Variants in NRXN3 observed in about 807,000 individuals in gnomAD.
The protein encoded by NRXN3 is neurexin III.
In NRXN3, 32 loss-of-function variants were observed where a neutral mutation model predicts 137.6. The ratio of observed to expected loss-of-function variants is 0.23; its 90% CI spans 0.18 to 0.31. The LOEUF (loss-of-function observed/expected upper bound fraction) is 0.31, where lower values mean the gene tolerates loss of function less well. NRXN3 is among the 10% of genes least tolerant of loss of function. The pLI, the probability that NRXN3 is intolerant of heterozygous loss-of-function variation, is 1.00. For missense variants in NRXN3, 1,574 were observed against 2,062.5 expected (o/e 0.76, Z 4.59); for synonymous variants, 798 against 784.5 (o/e 1.02, Z -0.29).
chr14:79,725,074 G>A (rs904102330), intron 19 of NRXN3, among the ~76,000 whole-genome samples: 20 of 152,082 alleles, frequency 1.3e-4, no homozygotes, highest in African/African-American at 4.1e-4. Context: ...TTCAAGAATC[G>A]CGTGCCAAGT....
At chr14:78,247,559 T>TCCC (rs1217429972) in intron 2 of NRXN3, among the ~76,000 whole-genome samples, 2 of 152,216 alleles carry the variant, frequency 1.3e-5, no homozygotes, top group Admixed American at 6.5e-5. Context: ...CTAGACTTGT[T>TCCC]CATGTTGACA....
intron 8 of NRXN3, among the ~76,000 whole-genome samples, chr14:78,797,712 G>A (rs1001898546): frequency 4.6e-4 from 70 of 152,054 alleles, no homozygotes; most frequent in African/African-American, 1.5e-3. Context: ...AGGCATACCC[G>A]AGACTGGGTG....
At chr14:78,816,135 G>A (rs537982606) in intron 10 of NRXN3, among the ~76,000 whole-genome samples, 57 of 152,204 alleles carry the variant, frequency 3.7e-4, no homozygotes, top group Non-Finnish European at 1.9e-4. Context: ...ATGATAGTGG[G>A]ATGCTTCCTA....
chr14:79,268,005 T>C (rs1011859181), intron 15 of NRXN3, among the ~76,000 whole-genome samples: 1 of 152,212 alleles, frequency 6.6e-6, no homozygotes, highest in African/African-American at 2.4e-5. Flanking sequence ...AAATTAGGTA[T>C]AGCCTTGCTA....
intron 16 of NRXN3, among the ~76,000 whole-genome samples, chr14:79,491,088 T>C (rs140855879): frequency 1.8e-4 from 27 of 152,182 alleles, no homozygotes; most frequent in African/African-American, 6.5e-4. Flanking sequence ...GTGTGTGTTT[T>C]GTTCTGTTTT....
chr14:79,189,233 TG>T (rs2063924793), intron 15 of NRXN3, among the ~76,000 whole-genome samples: 4 of 152,002 alleles, frequency 2.6e-5, no homozygotes, highest in Admixed American at 2.6e-4. Flanking sequence ...TCACGTCCTT[TG>T]TAGGGACATG....
chr14:78,966,743 C>G (rs543460350), intron 12 of NRXN3, among the ~76,000 whole-genome samples: 2 of 152,294 alleles, frequency 1.3e-5, no homozygotes, highest in Non-Finnish European at 2.9e-5. Context: ...ACTACAACCA[C>G]CCAATTTATA....
chr14:78,692,099 A>G (rs1330982700), intron 6 of NRXN3, among the ~76,000 whole-genome samples: 1 of 152,186 alleles, frequency 6.6e-6, no homozygotes, highest in Non-Finnish European at 1.5e-5. Flanking sequence ...ACGCTTTACT[A>G]TCCACTTGTC....
chr14:78,557,981 C>T, intron 4 of NRXN3, among the ~76,000 whole-genome samples: 1 of 152,160 alleles, frequency 6.6e-6, no homozygotes, highest in East Asian at 1.9e-4. Context: ...GATATAGGTA[C>T]TATCATCCCC....
intron 15 of NRXN3, among the ~76,000 whole-genome samples, chr14:79,059,504 G>T (rs1487507213): frequency 6.6e-6 from 1 of 151,870 alleles, no homozygotes; most frequent in Admixed American, 6.6e-5. Context: ...TGATCCCCCA[G>T]CCTTGACCTC....
At chr14:79,030,071 AG>A (rs2099605071) in intron 15 of NRXN3, among the ~76,000 whole-genome samples, 1 of 141,190 alleles carries the variant, frequency 7.1e-6, no homozygotes, top group Non-Finnish European at 1.5e-5. Flanking sequence ...TTGTAGAAAC[AG>A]GGTTTCACCA....
chr14:78,256,527 C>G (rs942640515), intron 2 of NRXN3, among the ~76,000 whole-genome samples: 1 of 152,216 alleles, frequency 6.6e-6, no homozygotes, highest in Non-Finnish European at 1.5e-5. Context: ...TAGCCAGGCC[C>G]ACCCTCATGT....
At chr14:78,477,799 G>A (rs902374843) in intron 4 of NRXN3, among the ~76,000 whole-genome samples, 1 of 152,142 alleles carries the variant, frequency 6.6e-6, no homozygotes, top group Non-Finnish European at 1.5e-5. Flanking sequence ...CAAAGATTGA[G>A]TTACAAAAAC....
At chr14:78,928,017 C>T (rs2099310906) in intron 10 of NRXN3, among the ~76,000 whole-genome samples, 1 of 152,144 alleles carries the variant, frequency 6.6e-6, no homozygotes, top group Admixed American at 6.6e-5. Flanking sequence ...CTTCCTTGTC[C>T]CTTGGAGATG....
Position 78,201,861 on chromosome 14 carries a change from C to T in NRXN3, c.-704+31187C>T, listed in dbSNP as rs138769199. On this transcript the variant is annotated intron_variant, in intron 1 of 20. Coordinates refer to ENST00000335750, the MANE Select transcript of NRXN3 (RefSeq NM_001330195.2). ...TTCTTCCATCTTCTCCGATGACGCG[C>T]GTCTGAAGTGTGACTCGGAGGCCGC... is the stretch of plus-strand genomic sequence containing the variant. 1.5e-4 allele frequency among the ~76,000 whole-genome samples: 23 copies of T among 152,272 alleles called. No individual in the cohort carries two copies. The East Asian group carries it at 3.3e-3, about 22-fold the overall frequency.
chr14:78,926,018 TC>T (rs1011570809), intron 10 of NRXN3, among the ~76,000 whole-genome samples: 1 of 152,128 alleles, frequency 6.6e-6, no homozygotes. Context: ...TTGTTATAAT[TC>T]CCCTTTTACA....
At chr14:79,171,740 T>C (rs1352384636) in intron 15 of NRXN3, among the ~76,000 whole-genome samples, 1 of 152,088 alleles carries the variant, frequency 6.6e-6, no homozygotes, top group Non-Finnish European at 1.5e-5. Context: ...GGGGAAAAAA[T>C]GGCAAAAGAA....
intron 16 of NRXN3, among the ~76,000 whole-genome samples, chr14:79,572,452 T>C (rs539330929): frequency 6.6e-6 from 1 of 152,210 alleles, no homozygotes; most frequent in South Asian, 2.1e-4. Context: ...AATCCAGAAA[T>C]AATGCATGTA....
intron 10 of NRXN3, among the ~76,000 whole-genome samples, chr14:78,923,559 A>G (rs2099276868): frequency 6.6e-6 from 1 of 152,204 alleles, no homozygotes; most frequent in Non-Finnish European, 1.5e-5. Context: ...GTTCACAAAG[A>G]TGCCATTCTC....
Sources: allele counts gnomAD v4.1 joint callset (sites outside exome capture counted in the v4.1 genomes callset), GRCh38; gene constraint gnomAD v4.1.1; transcripts MANE v1.5; gene names NCBI Gene and HGNC (gene_info 2026-07-23, HGNC 2026-07-21).